GABRG3: variants seen among roughly 807,000 people sequenced by gnomAD.
GABRG3 encodes gamma-aminobutyric acid type A receptor subunit gamma3, also known as gamma-aminobutyric acid receptor subunit gamma-3.
GABRG3 carries 25 observed loss-of-function variants against 48.8 expected under a neutral mutation model. That is an observed-to-expected ratio of 0.51 (90% CI 0.37 to 0.72). The LOEUF (loss-of-function observed/expected upper bound fraction) is 0.72. GABRG3 is among the 30% of genes least tolerant of loss of function. GABRG3 has a pLI of 0.00. For missense variants in GABRG3, 394 were observed against 577.9 expected (o/e 0.68, Z 3.26); for synonymous variants, 227 against 217.6 (o/e 1.04, Z -0.38).
intron 3 of GABRG3, among the ~76,000 whole-genome samples, chr15:27,253,635 G>A (rs572323075): frequency 1.5e-4 from 23 of 152,346 alleles, no homozygotes; most frequent in African/African-American, 5.3e-4. Context: ...GGGGCAGAGC[G>A]GCTGCATCAG....
intron 3 of GABRG3, among the ~76,000 whole-genome samples, chr15:27,161,482 G>C (rs6606880): frequency 0.54 from 82,487 of 151,984 alleles, 22,870 homozygotes; most frequent in African/African-American, 0.65. Flanking sequence ...GTCTGCATAC[G>C]TTTTTAATGA....
intron 3 of GABRG3, among the ~76,000 whole-genome samples, chr15:27,321,053 C>A (rs1469556027): frequency 6.6e-6 from 1 of 152,172 alleles, no homozygotes; most frequent in East Asian, 1.9e-4. Flanking sequence ...GTCCTCTGGG[C>A]TCTGATGTGG....
At chr15:26,984,814 C>A (rs1008396575) in intron 2 of GABRG3, among the ~76,000 whole-genome samples, 1 of 152,138 alleles carries the variant, frequency 6.6e-6, no homozygotes, top group African/African-American at 2.4e-5. Flanking sequence ...AGTATGTGGG[C>A]AATCAATCTG....
intron 5 of GABRG3, among the ~76,000 whole-genome samples, chr15:27,347,206 A>G (rs1376488388): frequency 3.3e-5 from 5 of 152,172 alleles, no homozygotes; most frequent in Non-Finnish European, 7.3e-5. Context: ...TTCTCCTCAC[A>G]TAGAGTCTGC....
intron 3 of GABRG3, among the ~76,000 whole-genome samples, chr15:27,189,682 A>T (rs553701213): frequency 2.6e-5 from 4 of 152,326 alleles, no homozygotes; most frequent in Admixed American, 6.5e-5. Context: ...AAACAGGGAC[A>T]ATTTGACTTC....
At chr15:27,216,750 T>TTTTTTTTA (rs1566968451) in intron 3 of GABRG3, among the ~76,000 whole-genome samples, 3 of 125,870 alleles carry the variant, frequency 2.4e-5, no homozygotes, top group East Asian at 2.6e-4. Context: ...TTTTTTTATT[T>TTTTTTTTA]TTTATTTATT....
At chr15:27,079,825 T>C (rs1595510733) in intron 3 of GABRG3, among the ~76,000 whole-genome samples, 2 of 152,182 alleles carry the variant, frequency 1.3e-5, no homozygotes, top group Admixed American at 1.3e-4. Context: ...TTAAGACCTC[T>C]AATGGCTAAG....
intron 2 of GABRG3, among the ~76,000 whole-genome samples, chr15:27,001,422 A>G (rs1895444443): frequency 6.6e-6 from 1 of 152,224 alleles, no homozygotes; most frequent in Non-Finnish European, 1.5e-5. Flanking sequence ...AGGTGTGTCC[A>G]ACCCAGCTGA....
intron 3 of GABRG3, among the ~76,000 whole-genome samples, chr15:27,305,656 A>G (rs890752641): frequency 5.5e-5 from 6 of 109,754 alleles, no homozygotes; most frequent in African/African-American, 1.5e-4. Context: ...ATATATAAAC[A>G]TATATAATAT....
intron 9 of GABRG3, among the ~76,000 whole-genome samples, chr15:27,531,453 G>A (rs1891422543): frequency 6.6e-6 from 1 of 152,170 alleles, no homozygotes; most frequent in South Asian, 2.1e-4. Context: ...AGGTTGTTAC[G>A]ATGCTTTCTA....
chr15:27,091,382 T>C (rs1897182503), intron 3 of GABRG3, among the ~76,000 whole-genome samples: 6 of 152,188 alleles, frequency 3.9e-5, no homozygotes. Context: ...TTTGCTAGCA[T>C]TGTGTTAAAG....
chr15:27,440,583 C>A (rs1313717346), intron 5 of GABRG3, among the ~76,000 whole-genome samples: 2 of 152,188 alleles, frequency 1.3e-5, no homozygotes, highest in African/African-American at 4.8e-5. Flanking sequence ...CCTATAACAG[C>A]TAATATTGAG....
At chr15:27,101,636 C>T (rs1330194232) in intron 3 of GABRG3, among the ~76,000 whole-genome samples, 3 of 151,992 alleles carry the variant, frequency 2.0e-5, no homozygotes, top group Non-Finnish European at 4.4e-5. Context: ...GCAATTACAT[C>T]GACCTGTTTA....
intron 6 of GABRG3, among the ~76,000 whole-genome samples, chr15:27,513,759 G>A (rs1890955551): frequency 6.6e-6 from 1 of 152,038 alleles, no homozygotes; most frequent in Non-Finnish European, 1.5e-5. Context: ...AACAGGACAC[G>A]AGACACATGT....
At chr15:27,128,167 G>T (rs1379769747) in intron 3 of GABRG3, among the ~76,000 whole-genome samples, 2 of 152,204 alleles carry the variant, frequency 1.3e-5, no homozygotes, top group African/African-American at 4.8e-5. Flanking sequence ...TTCAAAATCA[G>T]CCTGGGCAAC....
intron 6 of GABRG3, among the ~76,000 whole-genome samples, chr15:27,486,665 ACCC>A (rs1307483062): frequency 2.6e-5 from 4 of 152,088 alleles, no homozygotes; most frequent in African/African-American, 9.7e-5. Flanking sequence ...AATTCCTCTG[ACCC>A]ATCCACGCAC....
In GABRG3 at chr15:27,155,583, G is replaced by A. The variant is rs369676578; in HGVS notation, c.270+128762G>A. Among the ~76,000 whole-genome samples, 41 of 152,268 alleles carry A rather than the reference G, an allele frequency of 2.7e-4. 1 individual carries two copies. The highest frequency in any genetic ancestry group is 9.6e-4 in the African/African-American group (40 of 41,562). Reference sequence around the variant, plus strand: ...GGCGTTCTGCAACAGCACTCTGGTGGAAAGGGAGTTGGAGTTCATCACTTC... The same window carrying A: ...GGCGTTCTGCAACAGCACTCTGGTGAAAAGGGAGTTGGAGTTCATCACTTC... On this transcript the variant is annotated intron_variant, in intron 3 of 9. Coordinates refer to ENST00000615808, the MANE Select transcript of GABRG3 (RefSeq NM_033223.5).
chr15:27,482,570 A>G (rs1232047779), intron 6 of GABRG3, among the ~76,000 whole-genome samples: 2 of 152,208 alleles, frequency 1.3e-5, no homozygotes, highest in Admixed American at 6.5e-5. Context: ...GGCAAATGTT[A>G]TTCCTTGTTT....
chr15:27,328,976 T>A, intron 5 of GABRG3, 88 bp downstream of exon 5: 1 of 1,088,466 alleles, frequency 9.2e-7, no homozygotes, highest in Non-Finnish European at 1.4e-6. Context: ...ATGTGATTGA[T>A]CACAGTGTCC....
Sources: gnomAD v4.1 joint callset for allele counts (sites outside exome capture counted in the v4.1 genomes callset) on GRCh38, gnomAD v4.1.1 for gene constraint, MANE v1.5 for transcripts, NCBI Gene and HGNC (gene_info 2026-07-23, HGNC 2026-07-21) for gene names.